Variants in NKAIN2 observed in about 807,000 individuals in gnomAD.
The protein encoded by NKAIN2 is sodium/potassium-transporting ATPase subunit beta-1-interacting protein 2.
In NKAIN2, 14 loss-of-function variants were observed where a neutral mutation model predicts 32.6. The ratio of observed to expected loss-of-function variants is 0.43; its 90% CI spans 0.28 to 0.67. NKAIN2 has a LOEUF of 0.67. NKAIN2 is among the 30% of genes least tolerant of loss of function. The pLI is 0.17. For missense variants in NKAIN2, 198 were observed against 258.3 expected (o/e 0.77, Z 1.60); for synonymous variants, 80 against 87.2 (o/e 0.92, Z 0.46).
chr6:124,348,167 A>T (rs1562505135), intron 2 of NKAIN2, among the ~76,000 whole-genome samples: 2 of 152,068 alleles, frequency 1.3e-5, no homozygotes, highest in Non-Finnish European at 2.9e-5. Context: ...GTGATCCGCG[A>T]ATGCTGCTGT....
intron 2 of NKAIN2, among the ~76,000 whole-genome samples, chr6:124,311,705 C>T (rs1274244910): frequency 2.0e-5 from 3 of 152,070 alleles, no homozygotes; most frequent in African/African-American, 7.2e-5. Context: ...CAGTAGAGCC[C>T]ATTCTTAATT....
At chr6:124,406,142 C>A (rs1188063110) in intron 3 of NKAIN2, among the ~76,000 whole-genome samples, 5 of 151,840 alleles carry the variant, frequency 3.3e-5, no homozygotes, top group African/African-American at 1.2e-4. Flanking sequence ...TATGTATATA[C>A]TTAAGAAACC....
At chr6:124,201,011 T>C (rs891352963) in intron 1 of NKAIN2, among the ~76,000 whole-genome samples, 13 of 152,106 alleles carry the variant, frequency 8.5e-5, no homozygotes, top group Admixed American at 2.6e-4. Context: ...TCAGCAATGG[T>C]TGTGGGTTTA....
At chr6:124,165,648 TA>T (rs1186913581) in intron 1 of NKAIN2, among the ~76,000 whole-genome samples, 1 of 148,146 alleles carries the variant, frequency 6.8e-6, no homozygotes, top group Admixed American at 6.8e-5. Context: ...GTATATCTCC[TA>T]ATGCTATCCC....
Position 124,823,977 on chromosome 6 carries a change from GCTTTA to G in NKAIN2, c.*750_*754del, listed in dbSNP as rs1236335657. The stretch of plus-strand genomic sequence containing the variant: ...GAAAAGTGCCAGCTGTCAGCAAAGT[GCTTTA>G]CCATAGAGCCTCCATGGTGGCCCAA... On this transcript the variant is annotated 3_prime_UTR_variant, in exon 7 of 7. Transcript: ENST00000368417. The G allele has an allele frequency of 3.9e-5, 6 of 152,138 alleles. No individual in the cohort carries two copies. Among genetic ancestry groups the G allele is most frequent in the Non-Finnish European group, 5.9e-5 (4 of 68,040 alleles). 9.4% of individuals were successfully genotyped at this position (152,138 alleles called of 1,614,324 possible). A position where few individuals can be genotyped will look rare whatever the true frequency, so the allele number is the denominator to read the frequency against.
chr6:124,684,576 A>G (rs1773770797), intron 4 of NKAIN2, among the ~76,000 whole-genome samples: 1 of 152,212 alleles, frequency 6.6e-6, no homozygotes, highest in African/African-American at 2.4e-5. Flanking sequence ...GAGAAGTCTC[A>G]TAAAACATAT....
At chr6:124,669,681 G>A (rs1159348155) in intron 4 of NKAIN2, among the ~76,000 whole-genome samples, 1 of 152,060 alleles carries the variant, frequency 6.6e-6, no homozygotes, top group Non-Finnish European at 1.5e-5. Flanking sequence ...AAGGAAGCTA[G>A]CTTACATATA....
intron 1 of NKAIN2, among the ~76,000 whole-genome samples, chr6:124,010,059 C>A (rs1235218192): frequency 6.6e-6 from 1 of 152,124 alleles, no homozygotes; most frequent in Non-Finnish European, 1.5e-5. Context: ...TGAATATCTT[C>A]AGCCTCTTAC....
intron 3 of NKAIN2, among the ~76,000 whole-genome samples, chr6:124,387,979 G>C (rs569867242): frequency 6.6e-6 from 1 of 152,148 alleles, no homozygotes; most frequent in South Asian, 2.1e-4. Flanking sequence ...ATTTTTGGTT[G>C]TTATAAGGAG....
At chr6:123,937,145 A>T (rs982727995) in intron 1 of NKAIN2, among the ~76,000 whole-genome samples, 2 of 152,096 alleles carry the variant, frequency 1.3e-5, no homozygotes, top group Non-Finnish European at 2.9e-5. Flanking sequence ...GTTATTAAGG[A>T]TATTTTAACA....
chr6:124,686,205 T>G (rs1583643692), intron 4 of NKAIN2, among the ~76,000 whole-genome samples: 1 of 152,302 alleles, frequency 6.6e-6, no homozygotes, highest in East Asian at 1.9e-4. Flanking sequence ...TCTTGACATC[T>G]GCAAGCAAGG....
chr6:124,099,936 T>C (rs1784805131), intron 1 of NKAIN2, among the ~76,000 whole-genome samples: 2 of 152,194 alleles, frequency 1.3e-5, no homozygotes, highest in Admixed American at 6.5e-5. Context: ...GGATTTCTGT[T>C]GGATTTAAAG....
rs2626132 is a variant in NKAIN2, at chr6:124,331,311, C to T, written c.193-23956C>T. ...GGTCAGGAGATCGAGACCATCCTGG[C>T]TAACACGGTGAAACCCTGTCTCTAC... On this transcript the variant is annotated intron_variant, in intron 2 of 6. Coordinates refer to ENST00000368417, the MANE Select transcript of NKAIN2 (RefSeq NM_001040214.3). 2.6e-3 allele frequency among the ~76,000 whole-genome samples: 309 copies of T among 117,762 alleles called. 4 individuals are homozygous for T. The highest frequency in any genetic ancestry group is 9.9e-3 in the African/African-American group (301 of 30,546). 77.3% of individuals were successfully genotyped at this position (117,762 alleles called of 152,430 possible). A position where few individuals can be genotyped will look rare whatever the true frequency, so the allele number is the denominator to read the frequency against.
intron 1 of NKAIN2, among the ~76,000 whole-genome samples, chr6:123,929,207 T>C (rs1776142358): frequency 6.6e-6 from 1 of 152,178 alleles, no homozygotes. Context: ...TGTTTTATAC[T>C]TCAGCAAATA....
chr6:124,801,023 C>T (rs1357852730), intron 5 of NKAIN2, among the ~76,000 whole-genome samples: 1 of 152,166 alleles, frequency 6.6e-6, no homozygotes, highest in Non-Finnish European at 1.5e-5. Context: ...CACATCCATA[C>T]ACCTTCACCA....
At chr6:124,720,366 T>C (rs1005642442) in intron 4 of NKAIN2, among the ~76,000 whole-genome samples, 1 of 152,198 alleles carries the variant, frequency 6.6e-6, no homozygotes, top group African/African-American at 2.4e-5. Flanking sequence ...GTTGTTTTTA[T>C]TTTTGCTGAG....
At chr6:123,834,881 G>T (rs1370968797) in intron 1 of NKAIN2, among the ~76,000 whole-genome samples, 2 of 152,034 alleles carry the variant, frequency 1.3e-5, no homozygotes, top group Admixed American at 1.3e-4. Context: ...GTTGGTATTT[G>T]CATGTTGAAC....
chr6:124,296,995 C>T lies in NKAIN2; in HGVS notation c.192+13853C>T, dbSNP rs1446779599. On this transcript the variant is annotated intron_variant, in intron 2 of 6. Coordinates refer to ENST00000368417, the MANE Select transcript of NKAIN2 (RefSeq NM_001040214.3). The stretch of plus-strand genomic sequence containing the variant: ...TGAAGCAGCTTCCTTCTCTCAGATG[C>T]CTGTACAGTCTGCAGAACCATGAGC... 4.6e-5 allele frequency among the ~76,000 whole-genome samples: 7 copies of T among 152,286 alleles called. No individual in the cohort carries two copies. The East Asian group carries it at 1.2e-3, about 25-fold the overall frequency.
At chr6:124,810,590 C>T (rs1015319430) in intron 5 of NKAIN2, among the ~76,000 whole-genome samples, 1 of 151,788 alleles carries the variant, frequency 6.6e-6, no homozygotes, top group Non-Finnish European at 1.5e-5. Flanking sequence ...ATGTCACTAA[C>T]CTGCACATTG....
Sources: gnomAD v4.1 joint callset for allele counts (sites outside exome capture counted in the v4.1 genomes callset) on GRCh38, gnomAD v4.1.1 for gene constraint, MANE v1.5 for transcripts, NCBI Gene and HGNC (gene_info 2026-07-23, HGNC 2026-07-21) for gene names.